The following ZNF831 variants were observed in gnomAD, a reference collection of about 807,000 sequenced individuals.
The protein encoded by ZNF831 is zinc finger protein 831.
ZNF831 carries 59 observed loss-of-function variants against 95.8 expected under a neutral mutation model. The observed-to-expected ratio is 0.62, with a 90% CI of 0.50 to 0.77. The LOEUF (loss-of-function observed/expected upper bound fraction) is 0.77. Among genes scored for constraint, ZNF831 ranks in the 30% least tolerant of loss-of-function variants. The pLI, the probability that ZNF831 is intolerant of heterozygous loss-of-function variation, is 0.00. For synonymous variants in ZNF831, 961 were observed against 925.5 expected, an observed-to-expected ratio of 1.04 and a Z score of -0.70; for missense variants, 2,205 against 2,164.0, an observed-to-expected ratio of 1.02 and a Z score of -0.38.
chr20:59,174,954 C>T (rs571033645), intron 1 of ZNF831, among the ~76,000 whole-genome samples: 5 of 152,080 alleles, frequency 3.3e-5, no homozygotes, highest in South Asian at 4.2e-4. Flanking sequence ...CATTTATTTG[C>T]GAATATCTTG....
intron 2 of ZNF831, among the ~76,000 whole-genome samples, chr20:59,151,490 C>G (rs749308994): frequency 1.6e-4 from 25 of 152,126 alleles, no homozygotes; most frequent in Non-Finnish European, 2.6e-4. Flanking sequence ...GCCTGGGGCT[C>G]TTGTTGCCCT....
intron 2 of ZNF831, among the ~76,000 whole-genome samples, chr20:59,148,226 CAGAGTAGGCTGGG>C (rs980076355): frequency 5.3e-5 from 8 of 152,140 alleles, no homozygotes; most frequent in Non-Finnish European, 8.8e-5. Context: ...ACAATCTCAT[CAGAGTAGGCTGGG>C]AGGGTTTCCA....
rs1013437212 is a variant in ZNF831, at chr20:59,258,496, T to G, written c.*3753T>G. 1 of 152,676 alleles carries G rather than the reference T, an allele frequency of 6.5e-6. No individual in the cohort carries two copies. The highest frequency in any genetic ancestry group is 2.4e-5 in the African/African-American group (1 of 41,454). 9.5% of individuals were successfully genotyped at this position (152,676 alleles called of 1,614,324 possible). ...CTGGTGCAGCAGATCTTTATAGTTATGGAAACTGTCATCATTATCGGAATG... is the reference window on the plus strand; with the variant it reads ...CTGGTGCAGCAGATCTTTATAGTTAGGGAAACTGTCATCATTATCGGAATG... On this transcript the variant is annotated 3_prime_UTR_variant, in exon 6 of 6. Transcript: ENST00000371030.
intron 4 of ZNF831, 101 bp from the exon 5 acceptor site, chr20:59,252,877 A>G: frequency 7.9e-7 from 1 of 1,260,568 alleles, no homozygotes; most frequent in Non-Finnish European, 1.1e-6. Context: ...AGGGTTAATG[A>G]GCTCAGAGGC....
chr20:59,150,152 C>T (rs917341093), intron 2 of ZNF831, among the ~76,000 whole-genome samples: 1 of 152,192 alleles, frequency 6.6e-6, no homozygotes, highest in East Asian at 1.9e-4. Flanking sequence ...AGATTTTTAC[C>T]TCAATTAGGA....
chr20:59,230,210 T>C (rs1437094621), intron 4 of ZNF831, among the ~76,000 whole-genome samples: 1 of 152,230 alleles, frequency 6.6e-6, no homozygotes, highest in African/African-American at 2.4e-5. Context: ...ATTTTTTTTG[T>C]CTCTGCTAGC....
At chr20:59,176,912 C>T (rs181475615) in intron 1 of ZNF831, among the ~76,000 whole-genome samples, 19 of 152,328 alleles carry the variant, frequency 1.2e-4, no homozygotes, top group Admixed American at 4.6e-4. Context: ...TAGGCAATCA[C>T]GAATCGTGGT....
intron 4 of ZNF831, among the ~76,000 whole-genome samples, chr20:59,221,585 G>A (rs1413425062): frequency 6.6e-6 from 1 of 152,186 alleles, no homozygotes; most frequent in Non-Finnish European, 1.5e-5. Context: ...CTAATTTTCA[G>A]TATGGCCCCG....
chr20:59,206,004 T>A (rs1984867601), intron 3 of ZNF831, among the ~76,000 whole-genome samples: 2 of 152,212 alleles, frequency 1.3e-5, no homozygotes, highest in African/African-American at 4.8e-5. Context: ...CATGAAACAA[T>A]AGAAATAAGA....
At chr20:59,151,582 C>T (rs1336526230) in intron 2 of ZNF831, among the ~76,000 whole-genome samples, 1 of 152,166 alleles carries the variant, frequency 6.6e-6, no homozygotes, top group Non-Finnish European at 1.5e-5. Flanking sequence ...CAAGATTCCA[C>T]CTGAGTTCTG....
Position 59,191,038 on chromosome 20 carries a change from A to T in ZNF831, c.19A>T (p.Thr7Ser). Residue 7 changes from threonine (T) to serine (S), a missense_variant, in exon 2 of 6, where the codon ACC becomes TCC. Physicochemically the swap from Thr to Ser is moderately conservative, Grantham distance 58. Transcript: ENST00000371030. MEVPEPTCPAPPARDQP... is the reference protein window; with the variant it reads MEVPEPSCPAPPARDQP... ...ATGCGGAATGGAGGTTCCAGAACCC[A>T]CCTGCCCTGCCCCTCCTGCGAGGGA... 6.7e-7 allele frequency: 1 copy of T among 1,488,496 alleles called. No homozygotes were observed. The highest frequency in any genetic ancestry group is 8.9e-7 in the Non-Finnish European group (1 of 1,127,496). 92.2% of individuals were successfully genotyped at this position (1,488,496 alleles called of 1,614,324 possible).
In ZNF831 at chr20:59,194,588, G is replaced by A. The variant is rs754754083; in HGVS notation, c.3569G>A (p.Arg1190His). 26 of 1,610,380 alleles carry A rather than the reference G, an allele frequency of 1.6e-5. 1 individual carries two copies. The highest frequency in any genetic ancestry group is 1.6e-4 in the Middle Eastern group (1 of 6,066). The change falls in exon 2 of 6, where the codon CGC (arginine) becomes CAC (histidine). Residue 1190 changes from arginine (R) to histidine (H), a missense_variant. By Grantham distance (29) the Arg-to-His change is conservative. Coordinates refer to ENST00000371030, the MANE Select transcript of ZNF831 (RefSeq NM_178457.3). ...EPRLTWCCLS[R>H]SVPLPAEQKA... ...CGGCTCACGTGGTGTTGCCTGAGCC[G>A]CAGTGTCCCTCTGCCCGCGGAGCAG... is the stretch of plus-strand genomic sequence containing the variant.
rs41301839 is a variant in ZNF831 at position 59,254,903 on chromosome 20, C to T, written c.*160C>T. 5 of 989,176 alleles carry T rather than the reference C, an allele frequency of 5.1e-6. No homozygotes were observed. Among genetic ancestry groups the T allele is most frequent in the East Asian group, 5.4e-5 (2 of 37,340 alleles). 61.3% of individuals were successfully genotyped at this position (989,176 alleles called of 1,614,324 possible). A position where few individuals can be genotyped will look rare whatever the true frequency, so the allele number is the denominator to read the frequency against. On this transcript the variant is annotated 3_prime_UTR_variant, in exon 6 of 6. Coordinates refer to ENST00000371030, the MANE Select transcript of ZNF831 (RefSeq NM_178457.3). This position sits in a 1 kb window ranked among gnomAD's most constrained non-coding sequence, Gnocchi z 4.5. ...CAAGCCAACTCCAACCAACTTCTGA[C>T]CCCCAACTCAGCCGCAGCGTTCCCC...
intron 3 of ZNF831, among the ~76,000 whole-genome samples, chr20:59,204,119 C>T (rs1240803081): frequency 6.6e-6 from 1 of 152,162 alleles, no homozygotes; most frequent in Non-Finnish European, 1.5e-5. Flanking sequence ...GGGAGAAGGG[C>T]ACTCTATAAA....
chr20:59,171,940 G>A (rs1981772407), intron 1 of ZNF831, among the ~76,000 whole-genome samples: 1 of 152,132 alleles, frequency 6.6e-6, no homozygotes, highest in African/African-American at 2.4e-5. Context: ...AATTGCAGTT[G>A]TTCCACTATG....
intron 1 of ZNF831, among the ~76,000 whole-genome samples, chr20:59,165,947 T>G (rs1568734187): frequency 6.6e-6 from 1 of 152,174 alleles, no homozygotes; most frequent in Non-Finnish European, 1.5e-5. Flanking sequence ...AGAAGGGGTT[T>G]CGCCATTTTG....
At chr20:59,236,313 C>T (rs1426154904) in intron 4 of ZNF831, among the ~76,000 whole-genome samples, 1 of 152,168 alleles carries the variant, frequency 6.6e-6, no homozygotes, top group Non-Finnish European at 1.5e-5. Flanking sequence ...TATTTCATCT[C>T]TCTCCTCTCC....
chr20:59,202,334 T>TTTC lies in ZNF831; in HGVS notation c.3876-4569_3876-4568insCTT, dbSNP rs1304593982. Among the ~76,000 whole-genome samples, 350 of 146,930 alleles carry TTTC rather than the reference T, an allele frequency of 2.4e-3. 4 individuals are homozygous for TTTC. Among genetic ancestry groups the TTTC allele is most frequent in the African/African-American group, 8.5e-3 (339 of 39,904 alleles). ...ACTCTTATTTTCAACCTTTTTTTTT[T>TTTC]TTTTTAAAAAAAAAAACACATCTAA... On this transcript the variant is annotated intron_variant, in intron 3 of 5. Coordinates refer to ENST00000371030, the MANE Select transcript of ZNF831 (RefSeq NM_178457.3).
rs760005634 is a variant in ZNF831 at position 59,195,997 on chromosome 20, C to T, written c.3867C>T (p.Asn1289=). Residue 1289 remains asparagine (N), a synonymous_variant, in exon 3 of 6, where the codon AAC becomes AAT. Transcript: ENST00000371030. ...GCAAGCAGAGAAAACTGAAGATCAACCCTAAAAGGTAGGATGAGTGGCCAC... is the reference window on the plus strand; with the variant it reads ...GCAAGCAGAGAAAACTGAAGATCAATCCTAAAAGGTAGGATGAGTGGCCAC... ...GNSKQRKLKI[N]PKRYKGNFLQ... The T allele has an allele frequency of 5.6e-6, 9 of 1,613,726 alleles. No individual in the cohort carries two copies. The highest frequency in any genetic ancestry group is 4.0e-5 in the African/African-American group (3 of 74,894).
Sources: allele counts gnomAD v4.1 joint callset (sites outside exome capture counted in the v4.1 genomes callset), GRCh38; gene constraint gnomAD v4.1.1; non-coding constraint Gnocchi (gnomAD v3.1); transcripts MANE v1.5; gene names NCBI Gene and HGNC (gene_info 2026-07-23, HGNC 2026-07-21).